The following RORA variants were observed in gnomAD, a reference collection of about 807,000 sequenced individuals.
RORA encodes the protein nuclear receptor ROR-alpha.
RORA carries 7 observed loss-of-function variants against 69.5 expected under a neutral mutation model. That is an observed-to-expected ratio of 0.10 (90% CI 0.06 to 0.19). The LOEUF (loss-of-function observed/expected upper bound fraction) is 0.19, where lower values mean the gene tolerates loss of function less well. Among genes scored for constraint, RORA ranks in the 10% least tolerant of loss-of-function variants. RORA has a pLI of 1.00. For synonymous variants in RORA, 261 were observed against 240.8 expected, an observed-to-expected ratio of 1.08 and a Z score of -0.78; for missense variants, 457 against 663.0, an observed-to-expected ratio of 0.69 and a Z score of 3.41.
intron 2 of RORA, among the ~76,000 whole-genome samples, chr15:60,570,933 C>G (rs915949359): frequency 6.6e-6 from 1 of 152,166 alleles, no homozygotes; most frequent in Non-Finnish European, 1.5e-5. Context: ...TCTCATGATC[C>G]TACATGTGCA....
chr15:60,957,582 A>T (rs1893304359), intron 1 of RORA, among the ~76,000 whole-genome samples: 1 of 152,246 alleles, frequency 6.6e-6, no homozygotes, highest in Admixed American at 6.5e-5. Flanking sequence ...TGGAAAGAAC[A>T]CTTTGCTCAG....
At chr15:61,023,814 A>G (rs1332663245) in intron 1 of RORA, among the ~76,000 whole-genome samples, 1 of 152,164 alleles carries the variant, frequency 6.6e-6, no homozygotes, top group Non-Finnish European at 1.5e-5. Flanking sequence ...CCTTTTCATC[A>G]TTTCACATGG....
At chr15:60,581,881 G>T (rs1389562468) in intron 2 of RORA, among the ~76,000 whole-genome samples, 1 of 152,060 alleles carries the variant, frequency 6.6e-6, no homozygotes, top group Non-Finnish European at 1.5e-5. Context: ...AAATAAGATG[G>T]CATCACAAGA....
chr15:61,198,718 T>C (rs1479740984), intron 1 of RORA, among the ~76,000 whole-genome samples: 1 of 151,766 alleles, frequency 6.6e-6, no homozygotes, highest in African/African-American at 2.4e-5. Context: ...CTGATACCTA[T>C]TTATTTTCTG....
chr15:61,167,482 A>ATTTTTTTTTTTTTTTTTTTTTTTTTTTT, intron 1 of RORA, among the ~76,000 whole-genome samples: 2 of 133,688 alleles, frequency 1.5e-5, no homozygotes, highest in South Asian at 2.5e-4. Context: ...TTTGACCAGG[A>ATTTTTTTTTTTTTTTTTTTTTTTTTTTT]TTTTTTTTTT....
At chr15:61,163,086 T>C (rs2079509897) in intron 1 of RORA, among the ~76,000 whole-genome samples, 1 of 152,236 alleles carries the variant, frequency 6.6e-6, no homozygotes, top group South Asian at 2.1e-4. Context: ...TAGTAACACA[T>C]CATGATTTCC....
intron 1 of RORA, among the ~76,000 whole-genome samples, chr15:60,758,337 G>T (rs2071833074): frequency 6.6e-6 from 1 of 152,164 alleles, no homozygotes; most frequent in African/African-American, 2.4e-5. Flanking sequence ...CAGAGTTGTG[G>T]TGGCAATTTG....
At chr15:60,786,134 G>A (rs964947464) in intron 1 of RORA, among the ~76,000 whole-genome samples, 1 of 152,210 alleles carries the variant, frequency 6.6e-6, no homozygotes, top group Non-Finnish European at 1.5e-5. Context: ...AGCTGTAGAT[G>A]TCATGTTTAT....
At chr15:61,002,706 G>A (rs757399714) in intron 1 of RORA, among the ~76,000 whole-genome samples, 5 of 152,086 alleles carry the variant, frequency 3.3e-5, no homozygotes, top group East Asian at 1.9e-4. Flanking sequence ...TTTAAACTCC[G>A]CAAAGTGAGC....
At chr15:61,192,410 T>C (rs549189411) in intron 1 of RORA, among the ~76,000 whole-genome samples, 1 of 152,318 alleles carries the variant, frequency 6.6e-6, no homozygotes, top group South Asian at 2.1e-4. Context: ...CAGTAAAAGA[T>C]GACAATATCT....
chr15:60,797,752 G>A (rs1271415739), intron 1 of RORA, among the ~76,000 whole-genome samples: 1 of 152,074 alleles, frequency 6.6e-6, no homozygotes, highest in East Asian at 1.9e-4. Flanking sequence ...AGAAGCAGCA[G>A]TGGAGCCCTA....
At chr15:60,652,185 C>T (rs1273725814) in intron 2 of RORA, among the ~76,000 whole-genome samples, 1 of 151,884 alleles carries the variant, frequency 6.6e-6, no homozygotes, top group Non-Finnish European at 1.5e-5. Context: ...TTCTGGCAGA[C>T]CTTGATTTAA....
intron 1 of RORA, among the ~76,000 whole-genome samples, chr15:61,107,536 T>C (rs981338867): frequency 6.6e-6 from 1 of 152,054 alleles, no homozygotes; most frequent in African/African-American, 2.4e-5. Flanking sequence ...TTGTTTAAAA[T>C]AGATCTTCAA....
chr15:61,150,733 A>G (rs563813528), intron 1 of RORA, among the ~76,000 whole-genome samples: 4 of 152,318 alleles, frequency 2.6e-5, no homozygotes, highest in African/African-American at 9.6e-5. Flanking sequence ...CTCCTCATCA[A>G]AACATATGGA....
Position 60,934,461 on chromosome 15 carries a change from C to T in RORA, c.167-255775G>A, listed in dbSNP as rs537549145. 2.6e-3 allele frequency among the ~76,000 whole-genome samples: 325 copies of T among 126,312 alleles called. 1 individual carries two copies. The highest frequency in any genetic ancestry group is 9.7e-3 in the African/African-American group (315 of 32,602). 82.9% of individuals were successfully genotyped at this position (126,312 alleles called of 152,430 possible). A position where few individuals can be genotyped will look rare whatever the true frequency, so the allele number is the denominator to read the frequency against. On this transcript the variant is annotated intron_variant, in intron 1 of 10. Coordinates refer to ENST00000335670, the MANE Select transcript of RORA (RefSeq NM_134261.3). Reference sequence around the variant, plus strand: ...GACTTAGTAGCTCTGGGATAAGGCCCAAGAGTTTGTTGTTGTTGTTGTTGT... The same window carrying T: ...GACTTAGTAGCTCTGGGATAAGGCCTAAGAGTTTGTTGTTGTTGTTGTTGT...
chr15:61,171,972 G>A (rs1419358212), intron 1 of RORA, among the ~76,000 whole-genome samples: 1 of 152,198 alleles, frequency 6.6e-6, no homozygotes, highest in Non-Finnish European at 1.5e-5. Context: ...TTATTTAGAT[G>A]TGACCCTATA....
intron 1 of RORA, among the ~76,000 whole-genome samples, chr15:61,060,601 C>T (rs1452980305): frequency 2.6e-5 from 4 of 152,114 alleles, no homozygotes. Flanking sequence ...ACTGTGGACC[C>T]CCTCACTGGG....
At chr15:61,124,177 C>T (rs2079125042) in intron 1 of RORA, among the ~76,000 whole-genome samples, 1 of 152,198 alleles carries the variant, frequency 6.6e-6, no homozygotes, top group Non-Finnish European at 1.5e-5. Context: ...GGCACCCCTG[C>T]CATTTAGGTG....
rs370756027 is a variant in RORA, at chr15:61,009,245, G to A, written c.166+219808C>T. ...TTTCCCTATAAAAGTAGCCCATTCCGGGGGAGGGATGGGTAGGAAAGTTGC... is the reference window on the plus strand; with the variant it reads ...TTTCCCTATAAAAGTAGCCCATTCCAGGGGAGGGATGGGTAGGAAAGTTGC... On this transcript the variant is annotated intron_variant, in intron 1 of 10. Transcript: ENST00000335670. Among the ~76,000 whole-genome samples, 69 of 152,254 alleles carry A rather than the reference G, an allele frequency of 4.5e-4. 1 individual carries two copies. The South Asian group carries it at 0.01, about 22-fold the overall frequency.
Sources: allele counts gnomAD v4.1 joint callset (sites outside exome capture counted in the v4.1 genomes callset), GRCh38; gene constraint gnomAD v4.1.1; transcripts MANE v1.5; gene names NCBI Gene and HGNC (gene_info 2026-07-23, HGNC 2026-07-21).